Variants in GABRA2 observed in about 807,000 individuals in gnomAD.
The protein encoded by GABRA2 is gamma-aminobutyric acid receptor subunit alpha-2.
GABRA2 carries 16 observed loss-of-function variants against 48.7 expected under a neutral mutation model. That is an observed-to-expected ratio of 0.33 (90% CI 0.22 to 0.50). The LOEUF is 0.50. Ranked by LOEUF, GABRA2 falls within the 20% of genes least tolerant of loss-of-function variation. The probability of loss-of-function intolerance (pLI) is 0.98; values close to 1 mark genes in which losing one functional copy is unlikely to be tolerated. For missense variants in GABRA2, 275 were observed against 535.6 expected (o/e 0.51, Z 4.80); for synonymous variants, 185 against 184.5 (o/e 1.00, Z -0.02).
intron 9 of GABRA2, chr4:46,261,715 A>T (rs1159648102): frequency 3.3e-6 from 2 of 611,032 alleles, no homozygotes; most frequent in Non-Finnish European, 5.8e-6. Context: ...CATACAGCTC[A>T]ACAGATGCTA....
rs1465295565 is a variant in GABRA2, at chr4:46,246,247, T to G, written c.*4061A>C. Among the ~76,000 whole-genome samples, 1 of 151,106 alleles carries G rather than the reference T, an allele frequency of 6.6e-6. No homozygotes were observed. Among genetic ancestry groups the G allele is most frequent in the African/African-American group, 2.4e-5 (1 of 41,332 alleles). ...GTTTCCTGTGGTTTCTTCTTTTCAGTAATTCTGAGCTCTTAAATACTGATG... is the reference window on the plus strand; with the variant it reads ...GTTTCCTGTGGTTTCTTCTTTTCAGGAATTCTGAGCTCTTAAATACTGATG... On this transcript the variant is annotated 3_prime_UTR_variant, in exon 10 of 10. Coordinates refer to ENST00000381620, the MANE Select transcript of GABRA2 (RefSeq NM_000807.4).
chr4:46,302,517 G>A (rs559180064), intron 8 of GABRA2: 3 of 152,158 alleles, frequency 2.0e-5, no homozygotes, highest in South Asian at 2.1e-4. Context: ...AAAAGTGAAT[G>A]AGGTCTCTCT....
intron 1 of GABRA2, 107 bp downstream of exon 1, chr4:46,389,628 C>G (rs1260214734): frequency 4.7e-6 from 3 of 644,074 alleles, no homozygotes; most frequent in Non-Finnish European, 5.8e-6. Context: ...GAGCCTCCTC[C>G]GTTTCCAGGG....
chr4:46,339,758 C>G (rs747650663), intron 3 of GABRA2, among the ~76,000 whole-genome samples: 1 of 151,806 alleles, frequency 6.6e-6, no homozygotes, highest in Non-Finnish European at 1.5e-5. Context: ...TAACTCCTAA[C>G]CTAATAATAT....
chr4:46,351,871 G>A (rs371851926), intron 3 of GABRA2, among the ~76,000 whole-genome samples: 99 of 151,334 alleles, frequency 6.5e-4, no homozygotes, highest in Non-Finnish European at 1.2e-3. Flanking sequence ...ATAGTTGATC[G>A]TTTTTTTCCT....
intron 3 of GABRA2, among the ~76,000 whole-genome samples, chr4:46,382,058 T>C (rs1716827253): frequency 1.3e-5 from 2 of 152,072 alleles, no homozygotes; most frequent in Non-Finnish European, 2.9e-5. Context: ...AGGATAGATA[T>C]ATCAGTGAAT....
chr4:46,323,236 G>A (rs1005247905), intron 4 of GABRA2, among the ~76,000 whole-genome samples: 24 of 151,820 alleles, frequency 1.6e-4, no homozygotes, highest in Middle Eastern at 3.4e-3. Flanking sequence ...GGTCTGGCTC[G>A]GAATACTTTT....
intron 9 of GABRA2, among the ~76,000 whole-genome samples, chr4:46,257,902 A>T (rs1343431622): frequency 6.6e-6 from 1 of 151,796 alleles, no homozygotes; most frequent in Non-Finnish European, 1.5e-5. Context: ...TTATAAGATT[A>T]GGTTGTGGCA....
At chr4:46,256,561 T>G (rs934963555) in intron 9 of GABRA2, among the ~76,000 whole-genome samples, 3 of 151,414 alleles carry the variant, frequency 2.0e-5, no homozygotes, top group African/African-American at 7.3e-5. Flanking sequence ...AAATAACTCT[T>G]CCCTCCCCCA....
At chr4:46,255,352 C>G (rs1236345098) in intron 9 of GABRA2, among the ~76,000 whole-genome samples, 3 of 151,454 alleles carry the variant, frequency 2.0e-5, no homozygotes, top group Non-Finnish European at 4.4e-5. Context: ...AATTCAATAG[C>G]TTATTCTACA....
chr4:46,282,019 C>T (rs1721630984), intron 8 of GABRA2, among the ~76,000 whole-genome samples: 1 of 152,000 alleles, frequency 6.6e-6, no homozygotes, highest in Admixed American at 6.6e-5. Flanking sequence ...CAGAGTATGT[C>T]GGCATAGGAG....
intron 3 of GABRA2, among the ~76,000 whole-genome samples, chr4:46,381,922 C>T (rs1716805198): frequency 6.6e-6 from 1 of 152,044 alleles, no homozygotes; most frequent in Non-Finnish European, 1.5e-5. Flanking sequence ...GAAGTCAACT[C>T]TATAGTTGAT....
At chr4:46,384,530 G>C (rs570792120) in intron 3 of GABRA2, among the ~76,000 whole-genome samples, 168 of 152,214 alleles carry the variant, frequency 1.1e-3, no homozygotes, top group African/African-American at 3.9e-3. Flanking sequence ...ATACCCAGAG[G>C]ATAAATATTC....
At chr4:46,361,220 G>C (rs1713126320) in intron 3 of GABRA2, among the ~76,000 whole-genome samples, 1 of 152,146 alleles carries the variant, frequency 6.6e-6, no homozygotes, top group Non-Finnish European at 1.5e-5. Flanking sequence ...CTCTGTGGGA[G>C]CCCCTTTCAT....
rs1477943987 is a variant in GABRA2 at position 46,243,790 on chromosome 4, T to C, written c.*6518A>G. 1.3e-5 allele frequency: 2 copies of C among 151,584 alleles called. No homozygotes were observed. The highest frequency in any genetic ancestry group is 2.4e-5 in the African/African-American group (1 of 41,406). The allele number at this position is 151,584 out of a possible 1,614,324, so 9.4% of individuals were successfully genotyped here. A position where few individuals can be genotyped will look rare whatever the true frequency, so the allele number is the denominator to read the frequency against. On this transcript the variant is annotated 3_prime_UTR_variant, in exon 10 of 10. Coordinates refer to ENST00000381620, the MANE Select transcript of GABRA2 (RefSeq NM_000807.4). ...CCAGAAAATTTCAAATTTCACATAATGTGACTATCAAAGTTTAGTGTTGAA... is the reference window on the plus strand; with the variant it reads ...CCAGAAAATTTCAAATTTCACATAACGTGACTATCAAAGTTTAGTGTTGAA...
At chr4:46,343,698 C>T (rs1216665280) in intron 3 of GABRA2, among the ~76,000 whole-genome samples, 2 of 151,920 alleles carry the variant, frequency 1.3e-5, no homozygotes, top group Non-Finnish European at 2.9e-5. Context: ...ATATGTATAA[C>T]TCAACACAGA....
chr4:46,385,639 C>T (rs1052689961), intron 3 of GABRA2, among the ~76,000 whole-genome samples: 2 of 151,922 alleles, frequency 1.3e-5, no homozygotes, highest in African/African-American at 2.4e-5. Context: ...AAAGTGTATT[C>T]GTTAAAATAC....
intron 8 of GABRA2, among the ~76,000 whole-genome samples, chr4:46,293,782 A>G (rs985648940): frequency 6.6e-6 from 1 of 152,208 alleles, no homozygotes; most frequent in Admixed American, 6.5e-5. Context: ...AACTGCTGAG[A>G]TTAGTGCCAC....
chr4:46,368,590 G>A (rs1714414199), intron 3 of GABRA2: 1 of 180,200 alleles, frequency 5.5e-6, no homozygotes, highest in South Asian at 1.8e-4. Flanking sequence ...CACTTAACAA[G>A]TTTTCCGACT....
Sources: gnomAD v4.1 joint callset for allele counts (sites outside exome capture counted in the v4.1 genomes callset) on GRCh38, gnomAD v4.1.1 for gene constraint, MANE v1.5 for transcripts, NCBI Gene and HGNC (gene_info 2026-07-23, HGNC 2026-07-21) for gene names.